Variants in BANK1 observed in about 807,000 individuals in gnomAD.
BANK1 encodes the protein B cell scaffold protein with ankyrin repeats 1.
Under a neutral mutation model 94.5 loss-of-function variants are expected in BANK1, and 95 were observed. The observed-to-expected ratio is 1.00, with a 90% CI of 0.85 to 1.19. BANK1 has a LOEUF of 1.19. Among genes scored for constraint, BANK1 ranks in the 50% most tolerant of loss-of-function variants. The probability of loss-of-function intolerance (pLI) is 0.00; values close to 1 mark genes in which losing one functional copy is unlikely to be tolerated. For missense variants in BANK1, 987 were observed against 932.2 expected, an observed-to-expected ratio of 1.06 and a Z score of -0.77; for synonymous variants, 334 against 308.4, an observed-to-expected ratio of 1.08 and a Z score of -0.87.
intron 7 of BANK1, among the ~76,000 whole-genome samples, chr4:101,929,131 A>G (rs1342785195): frequency 1.3e-5 from 2 of 151,710 alleles, no homozygotes; most frequent in African/African-American, 2.4e-5. Context: ...CCTGATGTCC[A>G]TACAATGCCT....
intron 5 of BANK1, among the ~76,000 whole-genome samples, chr4:101,874,784 A>G (rs964808918): frequency 1.3e-5 from 2 of 152,106 alleles, no homozygotes; most frequent in African/African-American, 2.4e-5. Context: ...TCCCTTCTTT[A>G]ATGCATGAAC....
intron 2 of BANK1, among the ~76,000 whole-genome samples, chr4:101,846,575 C>G (rs1727254148): frequency 1.3e-5 from 2 of 152,086 alleles, no homozygotes; most frequent in South Asian, 4.1e-4. Context: ...TTCTGCATGG[C>G]CAAGAAGGCC....
chr4:101,933,403 A>G (rs1247712306), intron 7 of BANK1, among the ~76,000 whole-genome samples: 1 of 151,330 alleles, frequency 6.6e-6, no homozygotes, highest in African/African-American at 2.4e-5. Flanking sequence ...AGCATATTAA[A>G]GGGGTATGGA....
chr4:102,061,358 G>T (rs2148964117), intron 12 of BANK1: 1 of 152,328 alleles, frequency 6.6e-6, no homozygotes, highest in African/African-American at 2.4e-5. Flanking sequence ...GGGCAGTTAT[G>T]GTTGTGGGTT....
intron 1 of BANK1, among the ~76,000 whole-genome samples, chr4:101,813,485 G>A (rs574720578): frequency 6.6e-6 from 1 of 152,288 alleles, no homozygotes; most frequent in African/African-American, 2.4e-5. Context: ...TCAAACTTGA[G>A]TGGACTTAAG....
In BANK1 at chr4:101,830,112, T is replaced by G. The variant is rs1290568544; in HGVS notation, c.375T>G (p.Tyr125Ter). The change falls in exon 2 of 17, where the codon TAT becomes TAG. Residue 125 changes from tyrosine to a stop codon, truncating the protein, a stop_gained. Coordinates refer to ENST00000322953, the MANE Select transcript of BANK1 (RefSeq NM_017935.5). LOFTEE classifies it high-confidence loss of function. ...GAGTGAAGAGTTCAGATCAGCTCTA[T>G]GAATTACTAAATATCTCTCAAAGCA... ...LCGVKSSDQL[Y>*]ELLNISQSRW... 1 of 1,613,138 alleles carries G rather than the reference T, an allele frequency of 6.2e-7. No homozygotes were observed. The highest frequency in any genetic ancestry group is 1.1e-5 in the South Asian group (1 of 90,800).
At chr4:101,806,051 C>T (rs907941504) in intron 1 of BANK1, among the ~76,000 whole-genome samples, 2 of 151,862 alleles carry the variant, frequency 1.3e-5, no homozygotes, top group African/African-American at 4.8e-5. Context: ...TTAATATCCT[C>T]TATGTGTGCC....
At chr4:102,052,529 A>G (rs2148960150) in intron 11 of BANK1, among the ~76,000 whole-genome samples, 1 of 152,270 alleles carries the variant, frequency 6.6e-6, no homozygotes, top group Admixed American at 6.5e-5. Context: ...ACTTCTGTTA[A>G]TGATTTATTT....
intron 1 of BANK1, among the ~76,000 whole-genome samples, chr4:101,817,830 AT>A (rs35187351): frequency 0.15 from 21,365 of 145,960 alleles, 2,137 homozygotes; most frequent in African/African-American, 0.28. Context: ...ACATTATGAG[AT>A]TTTTTTTTTT....
chr4:101,959,962 G>C (rs561152228), intron 7 of BANK1, among the ~76,000 whole-genome samples: 2 of 152,216 alleles, frequency 1.3e-5, no homozygotes, highest in East Asian at 3.9e-4. Flanking sequence ...ATCCTCAAGC[G>C]TCAGGATTCT....
chr4:101,827,850 T>C (rs930688717), intron 1 of BANK1, among the ~76,000 whole-genome samples: 18 of 151,912 alleles, frequency 1.2e-4, no homozygotes, highest in African/African-American at 4.3e-4. Context: ...TTTCTTTTTT[T>C]ATTCCTTTGC....
intron 7 of BANK1, among the ~76,000 whole-genome samples, chr4:101,938,437 T>C (rs1479409897): frequency 1.3e-5 from 2 of 151,400 alleles, no homozygotes; most frequent in East Asian, 3.9e-4. Flanking sequence ...TCAAAATAAC[T>C]AAAAAAGTAT....
intron 9 of BANK1, among the ~76,000 whole-genome samples, chr4:102,025,884 T>C (rs892876382): frequency 6.6e-5 from 10 of 152,228 alleles, no homozygotes; most frequent in Admixed American, 3.9e-4. Context: ...ACCTCAGGCA[T>C]TCTGTGGAAA....
At chr4:101,945,789 G>A (rs1723906736) in intron 7 of BANK1, among the ~76,000 whole-genome samples, 1 of 151,900 alleles carries the variant, frequency 6.6e-6, no homozygotes, top group South Asian at 2.1e-4. Context: ...CTGAGTAGAA[G>A]CCTATTGAAA....
At chr4:101,905,957 C>A (rs1403329838) in intron 6 of BANK1, among the ~76,000 whole-genome samples, 1 of 152,050 alleles carries the variant, frequency 6.6e-6, no homozygotes, top group Non-Finnish European at 1.5e-5. Flanking sequence ...TGATTTTTTC[C>A]CAAGCTCTAA....
chr4:101,893,052 G>T (rs910737555), intron 5 of BANK1, among the ~76,000 whole-genome samples: 2 of 152,004 alleles, frequency 1.3e-5, no homozygotes, highest in African/African-American at 4.8e-5. Context: ...GAAGTGGTTA[G>T]ATTCAACTAA....
chr4:101,934,080 A>G (rs1723448760), intron 7 of BANK1, among the ~76,000 whole-genome samples: 1 of 151,392 alleles, frequency 6.6e-6, no homozygotes, highest in South Asian at 2.1e-4. Context: ...GGGTATGAAG[A>G]CAAAAGATAA....
intron 1 of BANK1, among the ~76,000 whole-genome samples, chr4:101,820,767 C>A (rs756455150): frequency 6.6e-6 from 1 of 152,168 alleles, no homozygotes; most frequent in African/African-American, 2.4e-5. Flanking sequence ...AGAATAATAG[C>A]CTCCAGCTTC....
chr4:102,063,267 G>C (rs187719236), intron 13 of BANK1, 129 bp downstream of exon 13: 2 of 731,622 alleles, frequency 2.7e-6, no homozygotes, highest in East Asian at 2.8e-5. Flanking sequence ...ACCTGGAGAG[G>C]GTCTTAATCT....
Sources: gnomAD v4.1 joint callset for allele counts (sites outside exome capture counted in the v4.1 genomes callset) on GRCh38, gnomAD v4.1.1 for gene constraint, MANE v1.5 for transcripts, NCBI Gene and HGNC (gene_info 2026-07-23, HGNC 2026-07-21) for gene names.